Variants in LUZP2 observed in about 807,000 individuals in gnomAD.
LUZP2 encodes leucine zipper protein 2.
A neutral mutation model predicts 51.6 loss-of-function variants in LUZP2; 52 were observed. The ratio of observed to expected loss-of-function variants is 1.01; its 90% CI spans 0.81 to 1.27. The LOEUF (loss-of-function observed/expected upper bound fraction) is 1.27. Ranked by LOEUF, LUZP2 falls within the 50% of genes most tolerant of loss-of-function variation. The probability of loss-of-function intolerance (pLI) is 0.00; values close to 1 mark genes in which losing one functional copy is unlikely to be tolerated. For synonymous variants in LUZP2, 154 were observed against 137.3 expected, an observed-to-expected ratio of 1.12 and a Z score of -0.85; for missense variants, 436 against 395.4, an observed-to-expected ratio of 1.10 and a Z score of -0.87.
chr11:24,685,971 C>T (rs929779105), intron 1 of LUZP2, among the ~76,000 whole-genome samples: 1 of 152,080 alleles, frequency 6.6e-6, no homozygotes, highest in African/African-American at 2.4e-5. Context: ...TTTAGTTGAA[C>T]TAGAAATGAG....
chr11:24,783,632 T>C (rs1256906368), intron 5 of LUZP2, among the ~76,000 whole-genome samples: 3 of 151,978 alleles, frequency 2.0e-5, no homozygotes, highest in African/African-American at 7.2e-5. Flanking sequence ...CTTCAACTTC[T>C]GTGGAGGACT....
At chr11:24,991,368 GTA>G (rs1170222494) in intron 9 of LUZP2, among the ~76,000 whole-genome samples, 22 of 124,448 alleles carry the variant, frequency 1.8e-4, no homozygotes, top group Admixed American at 8.9e-4. Context: ...ATATGTGTGT[GTA>G]TATATATGTG....
At chr11:24,931,257 A>AATAAT (rs1405710149) in intron 7 of LUZP2, among the ~76,000 whole-genome samples, 1 of 100,026 alleles carries the variant, frequency 1.0e-5, no homozygotes, top group African/African-American at 2.8e-5. Flanking sequence ...AATAAAATAA[A>AATAAT]ATAAAATAAA....
At chr11:24,755,392 C>T (rs767417758) in intron 4 of LUZP2, among the ~76,000 whole-genome samples, 1 of 152,062 alleles carries the variant, frequency 6.6e-6, no homozygotes, top group Non-Finnish European at 1.5e-5. Flanking sequence ...TTCCCCTTTG[C>T]GGGTGGCTTT....
intron 7 of LUZP2, among the ~76,000 whole-genome samples, chr11:24,964,181 G>T (rs925878806): frequency 1.3e-5 from 2 of 152,152 alleles, no homozygotes; most frequent in African/African-American, 4.8e-5. Flanking sequence ...TTAACTGTCA[G>T]ATGAGGATAA....
At chr11:25,014,401 T>C (rs1008008012) in intron 9 of LUZP2, among the ~76,000 whole-genome samples, 1 of 152,180 alleles carries the variant, frequency 6.6e-6, no homozygotes, top group Non-Finnish European at 1.5e-5. Flanking sequence ...CCACATCCTC[T>C]CCAGCACCTG....
chr11:24,941,388 T>A (rs1268469030), intron 7 of LUZP2, among the ~76,000 whole-genome samples: 1 of 152,148 alleles, frequency 6.6e-6, no homozygotes, highest in Non-Finnish European at 1.5e-5. Flanking sequence ...AATCACAAAC[T>A]TTAAATACGC....
intron 8 of LUZP2, among the ~76,000 whole-genome samples, chr11:24,978,644 G>A (rs550565713): frequency 1.5e-4 from 23 of 151,710 alleles, no homozygotes; most frequent in Non-Finnish European, 2.9e-4. Context: ...TATGACACAA[G>A]GTCTTGGGTC....
At position 25,041,718 on chromosome 11, in the gene LUZP2, G is replaced by A. The variant is rs546354788; in HGVS notation, c.766-8320G>A. Reference sequence around the variant, plus strand: ...GGATCAAAGGGATTTTTCTATGTCAGCCACTTTTACTCTCCTTGAGTATTC... The same window carrying A: ...GGATCAAAGGGATTTTTCTATGTCAACCACTTTTACTCTCCTTGAGTATTC... On this transcript the variant is annotated intron_variant, in intron 9 of 11. Coordinates refer to ENST00000336930, the MANE Select transcript of LUZP2 (RefSeq NM_001009909.4). 5.3e-5 allele frequency among the ~76,000 whole-genome samples: 8 copies of A among 152,180 alleles called. No individual in the cohort carries two copies. The East Asian group carries it at 7.7e-4, about 15-fold the overall frequency.
At chr11:25,018,048 G>GTTTTGTTT (rs1554955735) in intron 9 of LUZP2, among the ~76,000 whole-genome samples, 4 of 16,356 alleles carry the variant, frequency 2.4e-4, no homozygotes, top group Admixed American at 8.0e-4. Context: ...TTTTTTTTTT[G>GTTTTGTTT]TTTTTTTTTT....
chr11:24,867,795 A>G (rs1352793836), intron 5 of LUZP2, among the ~76,000 whole-genome samples: 1 of 152,150 alleles, frequency 6.6e-6, no homozygotes, highest in Non-Finnish European at 1.5e-5. Flanking sequence ...CTACTTACCT[A>G]TATCAGTAGT....
At chr11:24,889,062 G>C (rs1036862815) in intron 5 of LUZP2, among the ~76,000 whole-genome samples, 1 of 152,090 alleles carries the variant, frequency 6.6e-6, no homozygotes, top group Admixed American at 6.6e-5. Flanking sequence ...CCAATTGAGA[G>C]GTATTCCCTA....
At chr11:25,011,663 T>C (rs892598883) in intron 9 of LUZP2, among the ~76,000 whole-genome samples, 6 of 152,130 alleles carry the variant, frequency 3.9e-5, no homozygotes, top group African/African-American at 1.4e-4. Flanking sequence ...TTTAAGTAAT[T>C]GAAGACACAC....
intron 1 of LUZP2, among the ~76,000 whole-genome samples, chr11:24,711,320 G>A (rs1049342634): frequency 6.6e-6 from 1 of 152,128 alleles, no homozygotes. Context: ...TGTGGCGGCG[G>A]GTGCCTGCAG....
At chr11:24,566,020 G>A (rs369143040) in intron 1 of LUZP2, among the ~76,000 whole-genome samples, 20 of 151,658 alleles carry the variant, frequency 1.3e-4, no homozygotes, top group Middle Eastern at 3.4e-3. Flanking sequence ...TAATGTAAAC[G>A]ATAGAAAATA....
chr11:24,603,913 T>C (rs1853827048), intron 1 of LUZP2, among the ~76,000 whole-genome samples: 1 of 151,818 alleles, frequency 6.6e-6, no homozygotes, highest in Admixed American at 6.6e-5. Context: ...TATTGTGATA[T>C]TATCCACATT....
chr11:24,588,540 A>G (rs1007597845), intron 1 of LUZP2, among the ~76,000 whole-genome samples: 1 of 152,150 alleles, frequency 6.6e-6, no homozygotes, highest in Non-Finnish European at 1.5e-5. Context: ...GACCTTGGAT[A>G]AAACATTTAA....
chr11:24,810,963 C>T (rs573816346), intron 5 of LUZP2, among the ~76,000 whole-genome samples: 7 of 152,228 alleles, frequency 4.6e-5, no homozygotes, highest in Admixed American at 4.6e-4. Context: ...TTCTCTGAGT[C>T]CTCAACTGGG....
intron 9 of LUZP2, among the ~76,000 whole-genome samples, chr11:25,003,768 C>T (rs1263509489): frequency 6.6e-6 from 1 of 152,144 alleles, no homozygotes; most frequent in Non-Finnish European, 1.5e-5. Context: ...AGGGTTGACT[C>T]CTTCCTCAAG....
Sources: gnomAD v4.1 joint callset for allele counts (sites outside exome capture counted in the v4.1 genomes callset) on GRCh38, gnomAD v4.1.1 for gene constraint, MANE v1.5 for transcripts, NCBI Gene and HGNC (gene_info 2026-07-23, HGNC 2026-07-21) for gene names.